SLC44A2: variants seen among roughly 807,000 people sequenced by gnomAD.
SLC44A2 encodes solute carrier family 44 member 2 (CTL2 blood group), also known as choline transporter-like protein 2.
Under a neutral mutation model 90.8 loss-of-function variants are expected in SLC44A2, and 57 were observed. The observed-to-expected ratio is 0.63, with a 90% CI of 0.51 to 0.78. The LOEUF (loss-of-function observed/expected upper bound fraction) is 0.78, where lower values mean the gene tolerates loss of function less well. SLC44A2 is among the 30% of genes least tolerant of loss of function. SLC44A2 has a pLI of 0.00. For synonymous variants in SLC44A2, 355 were observed against 360.7 expected (o/e 0.98, Z 0.18); for missense variants, 794 against 919.7 (o/e 0.86, Z 1.77).
chr19:10,621,422 G>GTTT (rs34643212), upstream of SLC44A2, among the ~76,000 whole-genome samples: 52 of 89,426 alleles, frequency 5.8e-4, 1 homozygote, highest in African/African-American at 9.1e-4. Flanking sequence ...ATGGTTGGGT[G>GTTT]TTTTTTTTTT....
rs1223992851 is a variant in SLC44A2, at chr19:10,642,400, G to A, written c.1963G>A (p.Gly655Ser). The change falls in exon 21 of 22, where the codon GGT (glycine) becomes AGT (serine). Residue 655 changes from glycine (G) to serine (S), a missense_variant. Gly to Ser is a moderately conservative substitution (Grantham distance 56). Around this residue, in one of 3 missense-constraint regions of SLC44A2, gnomAD observed 12 missense variants for 34.7 expected, o/e 0.35. Transcript: ENST00000335757. Reference sequence around the variant, plus strand: ...CGTTGGCTCCTACTTGATTGCACACGGTTTCTTCAGCGTCTATGGCATGTG... The same window carrying A: ...CGTTGGCTCCTACTTGATTGCACACAGTTTCTTCAGCGTCTATGGCATGTG... ...VIVGSYLIAH[G>S]FFSVYGMCVD... 2 of 1,614,146 alleles carry A rather than the reference G, an allele frequency of 1.2e-6. No individual in the cohort carries two copies. Among genetic ancestry groups the A allele is most frequent in the East Asian group, 2.2e-5 (1 of 44,868 alleles).
chr19:10,643,122 C>G, intron 21 of SLC44A2, 157 bp from the exon 22 acceptor site: 1 of 1,450,084 alleles, frequency 6.9e-7, no homozygotes, highest in Non-Finnish European at 9.0e-7. Context: ...CCTGTGTGTC[C>G]CTCGGAGCCC....
At chr19:10,636,888 G>T (rs778811242) in intron 16 of SLC44A2, 132 bp downstream of exon 16, 2 of 967,284 alleles carry the variant, frequency 2.1e-6, no homozygotes. Context: ...TCTATGACGG[G>T]GTGGAGTTCA....
chr19:10,610,320 C>G (rs991773329), intron 1 of SLC44A2, among the ~76,000 whole-genome samples: 1 of 149,266 alleles, frequency 6.7e-6, no homozygotes, highest in Non-Finnish European at 1.5e-5. Flanking sequence ...TCCCTAGAGA[C>G]TTTTCTTTTC....
At chr19:10,623,700 T>C (rs1013853742), upstream of SLC44A2, among the ~76,000 whole-genome samples, 5 of 151,722 alleles carry the variant, frequency 3.3e-5, no homozygotes, top group African/African-American at 1.2e-4. Flanking sequence ...GTATTTTTTT[T>C]TTTTTTTGAG....
rs374839764 is a variant in SLC44A2 at position 10,602,805 on chromosome 19, C to T, written c.31+244C>T. Among the ~76,000 whole-genome samples the T allele has an allele frequency of 4.8e-3, 738 of 152,268 alleles. 2 individuals carry two copies. The highest frequency in any genetic ancestry group is 0.01 in the Middle Eastern group (3 of 294). ...TGGGCCGGGGCTCACGGCGCATGCT[C>T]CGCCCGGGGAGGTCCCGTTATCTGG... On this transcript the variant is annotated intron_variant, in intron 1 of 21. Coordinates refer to the SLC44A2 transcript ENST00000407327.
chr19:10,631,618 C>T lies in SLC44A2; in HGVS notation c.503-8C>T. On this transcript the variant is annotated splice_region_variant and splice_polypyrimidine_tract_variant and intron_variant, in intron 7 of 21. Transcript: ENST00000335757. ...AGCCTGACTGGTGCCATCCTCTGCT[C>T]CATGCAGTGGCCCGGAGATGCTTCC... 6.2e-7 allele frequency: 1 copy of T among 1,613,914 alleles called. No homozygotes were observed. Among genetic ancestry groups the T allele is most frequent in the Non-Finnish European group, 8.5e-7 (1 of 1,180,032 alleles).
chr19:10,635,919 T>C (rs965743183), intron 14 of SLC44A2: 4 of 253,780 alleles, frequency 1.6e-5, no homozygotes, highest in African/African-American at 7.0e-5. Context: ...GCTGGGATTA[T>C]AGGCACACAC....
rs149648869 is a variant in SLC44A2, at chr19:10,635,490, T to G, written c.1208T>G (p.Phe403Cys). Residue 403 changes from phenylalanine to cysteine, a missense_variant, in exon 14 of 22, where the codon TTT becomes TGT. Phe to Cys is a radical substitution (Grantham distance 205). This residue lies in a region of SLC44A2 where 738 missense variants were observed against 841.1 expected (regional missense o/e 0.88). Transcript: ENST00000335757. ...ATCTTTGATGACAGCCCCTGCCCAT[T>G]TACTGCGAAAACCTGCAACCCAGAG... is the stretch of plus-strand genomic sequence containing the variant. ...YKIFDDSPCP[F>C]TAKTCNPETF... The G allele has an allele frequency of 5.1e-5, 82 of 1,613,750 alleles. No individual in the cohort carries two copies. The highest frequency in any genetic ancestry group is 6.7e-5 in the Non-Finnish European group (79 of 1,180,002).
intron 1 of SLC44A2, among the ~76,000 whole-genome samples, chr19:10,614,970 C>CAAAAA (rs74464361): frequency 3.2e-5 from 2 of 62,728 alleles, no homozygotes; most frequent in African/African-American, 6.0e-5. Flanking sequence ...GACTCCGTCT[C>CAAAAA]AAAAAAAAAA....
intron 1 of SLC44A2, 27 bp downstream of exon 1, chr19:10,625,697 C>G: frequency 1.6e-6 from 2 of 1,246,654 alleles, no homozygotes; most frequent in Non-Finnish European, 1.0e-6. Context: ...GCCCGTAGCC[C>G]CGGGCCGACC....
intron 2 of SLC44A2, among the ~76,000 whole-genome samples, chr19:10,626,646 C>T (rs906648484): frequency 4.0e-5 from 6 of 150,956 alleles, no homozygotes; most frequent in Admixed American, 2.0e-4. Context: ...GTCTCGACCT[C>T]GTGAGCTCAA....
At chr19:10,635,833 C>G (rs1355341831) in intron 14 of SLC44A2, 1 of 272,864 alleles carries the variant, frequency 3.7e-6, no homozygotes, top group African/African-American at 2.4e-5. Context: ...GGCTGGAGTG[C>G]AGTGGCATGA....
chr19:10,635,522 G>T lies in SLC44A2; in HGVS notation c.1233+7G>T. The T allele has an allele frequency of 6.2e-7, 1 of 1,610,590 alleles. No homozygotes were observed. The highest frequency in any genetic ancestry group is 8.5e-7 in the Non-Finnish European group (1 of 1,178,894). On this transcript the variant is annotated splice_region_variant and intron_variant, in intron 14 of 21. Transcript: ENST00000335757. Reference sequence around the variant, plus strand: ...GAAAACCTGCAACCCAGAGGTGGGCGTCCCCGGGGTGGGGAGGGCAGGTAT... The same window carrying T: ...GAAAACCTGCAACCCAGAGGTGGGCTTCCCCGGGGTGGGGAGGGCAGGTAT...
chr19:10,635,639 T>G, intron 14 of SLC44A2, 124 bp downstream of exon 14: 1 of 845,670 alleles, frequency 1.2e-6, no homozygotes, highest in Non-Finnish European at 1.9e-6. Flanking sequence ...CTGTGCTAGG[T>G]GTGGGGGAGG....
Position 10,631,266 on chromosome 19 carries a change from C to T in SLC44A2, c.331-9C>T, listed in dbSNP as rs754723182. 2.8e-5 allele frequency: 45 copies of T among 1,613,560 alleles called. 1 individual carries two copies. In the South Asian group the frequency reaches 4.7e-4, roughly 17 times the overall value. ...AACTCCACCCAATCCCTTCCTTCTC[C>T]CCTCCCAGATCTGCGTGGAAAAATG... On this transcript the variant is annotated splice_polypyrimidine_tract_variant and intron_variant, in intron 5 of 21. Transcript: ENST00000335757.
chr19:10,603,075 G>A (rs1599563337), intron 1 of SLC44A2, among the ~76,000 whole-genome samples: 1 of 152,152 alleles, frequency 6.6e-6, no homozygotes, highest in Non-Finnish European at 1.5e-5. Flanking sequence ...TGGAAACGGC[G>A]GAAAGAAGGG....
In SLC44A2 at chr19:10,643,406, C is replaced by A; in HGVS notation, c.*21C>A. Reference sequence around the variant, plus strand: ...CCTGAAGGCCCCGTGCTCCCCACCTCTCAAGGAGTCTCATGCCGCAGGGTG... The same window carrying A: ...CCTGAAGGCCCCGTGCTCCCCACCTATCAAGGAGTCTCATGCCGCAGGGTG... On this transcript the variant is annotated 3_prime_UTR_variant, in exon 22 of 22. Coordinates refer to ENST00000335757, the MANE Select transcript of SLC44A2 (RefSeq NM_020428.4). 1 of 1,594,878 alleles carries A rather than the reference C, an allele frequency of 6.3e-7. No homozygotes were observed. Among genetic ancestry groups the A allele is most frequent in the Non-Finnish European group, 8.6e-7 (1 of 1,168,890 alleles).
chr19:10,620,805 G>A (rs974913169), upstream of SLC44A2, among the ~76,000 whole-genome samples: 4 of 151,808 alleles, frequency 2.6e-5, no homozygotes, highest in African/African-American at 9.7e-5. Context: ...CGAGGTGGGA[G>A]GAAGGCTTGA....
Sources: gnomAD v4.1 joint callset for allele counts (sites outside exome capture counted in the v4.1 genomes callset) on GRCh38, gnomAD v4.1.1 for gene constraint, gnomAD v4.1.1 regional missense constraint, MANE v1.5 for transcripts, NCBI Gene and HGNC (gene_info 2026-07-23, HGNC 2026-07-21) for gene names.